The following RBFOX1 variants were observed in gnomAD, a reference collection of about 807,000 sequenced individuals.
RBFOX1 encodes RNA binding fox-1 homolog 1, also known as RNA binding protein fox-1 homolog 1.
RBFOX1 carries 8 observed loss-of-function variants against 57.7 expected under a neutral mutation model. The ratio of observed to expected loss-of-function variants is 0.14; its 90% CI spans 0.08 to 0.25. The LOEUF is 0.25. Ranked by LOEUF, RBFOX1 falls within the 10% of genes least tolerant of loss-of-function variation. RBFOX1 has a pLI of 1.00. For missense variants in RBFOX1, 611 were observed against 548.5 expected, an observed-to-expected ratio of 1.11 and a Z score of -1.14; for synonymous variants, 326 against 222.4, an observed-to-expected ratio of 1.47 and a Z score of -4.15.
chr16:6,636,712 A>G (rs2098436520), intron 2 of RBFOX1, among the ~76,000 whole-genome samples: 1 of 146,412 alleles, frequency 6.8e-6, no homozygotes, highest in Non-Finnish European at 1.5e-5. Context: ...TGTGAATCTC[A>G]CCAATCTGGA....
At chr16:7,317,540 C>A (rs1047914062) in intron 4 of RBFOX1, among the ~76,000 whole-genome samples, 15 of 152,176 alleles carry the variant, frequency 9.9e-5, no homozygotes, top group African/African-American at 3.6e-4. Flanking sequence ...GAGTTGGTAG[C>A]AGTCACCAAA....
chr16:6,154,225 G>A (rs1418525113), intron 1 of RBFOX1, among the ~76,000 whole-genome samples: 1 of 152,174 alleles, frequency 6.6e-6, no homozygotes, highest in African/African-American at 2.4e-5. Flanking sequence ...CACATTACTT[G>A]CCTTGCAAGG....
intron 3 of RBFOX1, among the ~76,000 whole-genome samples, chr16:5,779,450 G>T (rs969114248): frequency 3.5e-4 from 54 of 152,136 alleles, no homozygotes; most frequent in African/African-American, 1.2e-3. Flanking sequence ...ATTTCTTTCT[G>T]ACTGCATTAT....
chr16:6,670,735 C>T (rs1396344063), intron 3 of RBFOX1, among the ~76,000 whole-genome samples: 2 of 152,060 alleles, frequency 1.3e-5, no homozygotes, highest in South Asian at 2.1e-4. Context: ...CGGTGGTTCA[C>T]GCCTGTAATC....
Position 5,668,832 on chromosome 16 carries a change from T to G in RBFOX1, c.318+69871T>G, listed in dbSNP as rs144557713. 3.6e-4 allele frequency among the ~76,000 whole-genome samples: 54 copies of G among 152,106 alleles called. 1 individual carries two copies. In the East Asian group the frequency reaches 9.1e-3, roughly 26 times the overall value. On this transcript the variant is annotated intron_variant, in intron 3 of 19. Transcript: ENST00000641259. ...AGCTGGTCTGAAGTTGCTGGAGAGG[T>G]GGTGGGTGGAGCACACTTTTGACTC...
intron 1 of RBFOX1, among the ~76,000 whole-genome samples, chr16:6,277,011 C>G (rs533221267): frequency 5.9e-5 from 9 of 152,184 alleles, no homozygotes; most frequent in Admixed American, 5.2e-4. Context: ...GGGAAATAGA[C>G]CTACCTGGTT....
intron 3 of RBFOX1, among the ~76,000 whole-genome samples, chr16:6,681,540 A>C (rs1040628395): frequency 6.6e-6 from 1 of 152,244 alleles, no homozygotes; most frequent in Admixed American, 6.5e-5. Context: ...TTTCATCTCC[A>C]AACTTTAGTC....
chr16:7,587,239 C>CCAA lies in RBFOX1; in HGVS notation c.415-8_415-7insCAA. 1 of 1,565,606 alleles carries CCAA rather than the reference C, an allele frequency of 6.4e-7. No individual in the cohort carries two copies. Among genetic ancestry groups the CCAA allele is most frequent in the Non-Finnish European group, 8.7e-7 (1 of 1,155,586 alleles). On this transcript the variant is annotated splice_polypyrimidine_tract_variant and splice_region_variant and intron_variant, in intron 6 of 15. Transcript: ENST00000550418. ...TCTTGCTTATAAGATATTTCTATTT[C>CCAA]TTTGCAGCAATTTGGTAAAATCTTA...
intron 2 of RBFOX1, among the ~76,000 whole-genome samples, chr16:6,635,721 T>C (rs1341616560): frequency 6.6e-6 from 1 of 152,176 alleles, no homozygotes; most frequent in South Asian, 2.1e-4. Context: ...AAAATCATGC[T>C]GCCTAAGAGA....
At chr16:7,304,534 G>C (rs2096124832) in intron 4 of RBFOX1, 1 of 985,386 alleles carries the variant, frequency 1.0e-6, no homozygotes, top group Non-Finnish European at 1.2e-6. Context: ...GGCTGGGCCA[G>C]ATGGGTCCCC....
intron 2 of RBFOX1, among the ~76,000 whole-genome samples, chr16:6,458,425 A>G (rs961070283): frequency 2.0e-5 from 3 of 152,242 alleles, no homozygotes; most frequent in African/African-American, 4.8e-5. Context: ...TCATTGATTT[A>G]TTAGAAGACT....
At chr16:5,708,018 T>C (rs1474974473) in intron 3 of RBFOX1, among the ~76,000 whole-genome samples, 1 of 152,118 alleles carries the variant, frequency 6.6e-6, no homozygotes, top group African/African-American at 2.4e-5. Flanking sequence ...GTTCACCACA[T>C]GGTTAATTAT....
intron 4 of RBFOX1, among the ~76,000 whole-genome samples, chr16:7,231,270 G>A (rs12446443): frequency 6.6e-6 from 1 of 151,944 alleles, no homozygotes; most frequent in African/African-American, 2.4e-5. Context: ...GGAGGGCTTG[G>A]CTGGTTTGTC....
intron 2 of RBFOX1, among the ~76,000 whole-genome samples, chr16:6,441,815 A>T (rs758999501): frequency 6.6e-6 from 1 of 152,138 alleles, no homozygotes. Context: ...AGAGAGATGG[A>T]CTAAACACTC....
chr16:5,689,015 C>A (rs2050589681), intron 3 of RBFOX1, among the ~76,000 whole-genome samples: 1 of 152,144 alleles, frequency 6.6e-6, no homozygotes, highest in Admixed American at 6.5e-5. Flanking sequence ...AAAAAAGAAA[C>A]AAAATCAAGG....
In RBFOX1 at chr16:7,709,061, G is replaced by A. The variant is rs1940626644; in HGVS notation, c.1001G>A (p.Gly334Glu). The A allele has an allele frequency of 6.2e-7, 1 of 1,613,276 alleles. No homozygotes were observed. The highest frequency in any genetic ancestry group is 8.5e-7 in the Non-Finnish European group (1 of 1,179,400). ...CACCTCTATTTTCCTTTCAGTTACG[G>A]ACGAGTTTATGCTGCCGACCCCTAC... ...ATAAAYSDSY[G>E]RVYAADPYHH... Residue 334 changes from glycine to glutamate, a missense_variant, in exon 15 of 16, where the codon GGA becomes GAA. Transcript: ENST00000550418.
rs1340604847 is a variant in RBFOX1 at position 5,946,038 on chromosome 16, C to G, written c.351+78703C>G. ...GGTTTAAAAAGAGAAAAGAAGTCTG[C>G]TTTGTTTGCTAGTAAAGTGAGGGGG... On this transcript the variant is annotated intron_variant, in intron 4 of 19. Transcript: ENST00000641259. This position sits in a 1 kb window ranked among gnomAD's most constrained non-coding sequence, Gnocchi z 4.6. Among the ~76,000 whole-genome samples, 1 of 152,198 alleles carries G rather than the reference C, an allele frequency of 6.6e-6. No individual in the cohort carries two copies. Among genetic ancestry groups the G allele is most frequent in the Non-Finnish European group, 1.5e-5 (1 of 68,042 alleles).
At chr16:6,483,193 A>G in intron 2 of RBFOX1, 31 of 1,170,006 alleles carry the variant, frequency 2.6e-5, no homozygotes, top group Non-Finnish European at 3.3e-5. Flanking sequence ...TGGCGCGGAC[A>G]GAGGCCGAGG....
intron 5 of RBFOX1, among the ~76,000 whole-genome samples, chr16:7,551,753 G>A (rs2086612047): frequency 1.3e-5 from 2 of 152,202 alleles, no homozygotes; most frequent in Admixed American, 1.3e-4. Context: ...TGTTCCATGA[G>A]ATCCCACTGG....
Sources: gnomAD v4.1 joint callset for allele counts (sites outside exome capture counted in the v4.1 genomes callset) on GRCh38, gnomAD v4.1.1 for gene constraint, Gnocchi (gnomAD v3.1) non-coding constraint, MANE v1.5 for transcripts, NCBI Gene and HGNC (gene_info 2026-07-23, HGNC 2026-07-21) for gene names.